The following MEMO1 variants were observed in gnomAD, a reference collection of about 807,000 sequenced individuals.
MEMO1 encodes the protein protein MEMO1.
MEMO1 carries 6 observed loss-of-function variants against 45.2 expected under a neutral mutation model. The observed-to-expected ratio is 0.13, with a 90% CI of 0.07 to 0.26. The LOEUF is 0.26. Among genes scored for constraint, MEMO1 ranks in the 10% least tolerant of loss-of-function variants. The probability of loss-of-function intolerance (pLI) is 1.00; values close to 1 mark genes in which losing one functional copy is unlikely to be tolerated. For missense variants in MEMO1, 184 were observed against 370.5 expected, an observed-to-expected ratio of 0.50 and a Z score of 4.13; for synonymous variants, 78 against 124.3, an observed-to-expected ratio of 0.63 and a Z score of 2.48.
intron 3 of MEMO1, among the ~76,000 whole-genome samples, chr2:31,941,010 CATAAT>C (rs1558520347): frequency 6.6e-6 from 1 of 152,208 alleles, no homozygotes; most frequent in Non-Finnish European, 1.5e-5. Context: ...CCTGTTCCCA[CATAAT>C]ATAATATCCA....
intron 2 of MEMO1, among the ~76,000 whole-genome samples, chr2:31,991,342 T>C: frequency 6.6e-6 from 1 of 151,978 alleles, no homozygotes; most frequent in Non-Finnish European, 1.5e-5. Context: ...GGAGCCGAGG[T>C]GGGAGGATCA....
At chr2:31,987,828 A>G (rs1671456445) in intron 2 of MEMO1, among the ~76,000 whole-genome samples, 1 of 152,186 alleles carries the variant, frequency 6.6e-6, no homozygotes, top group African/African-American at 2.4e-5. Flanking sequence ...TGGTAAAAAA[A>G]GCAGATAGGG....
chr2:31,885,642 G>A (rs572964164), intron 7 of MEMO1, among the ~76,000 whole-genome samples: 126 of 152,252 alleles, frequency 8.3e-4, no homozygotes, highest in African/African-American at 3.0e-3. Context: ...TATTCTTGGA[G>A]GAAATCAAGG....
At chr2:31,906,263 C>A (rs545954794) in intron 6 of MEMO1, among the ~76,000 whole-genome samples, 1 of 152,144 alleles carries the variant, frequency 6.6e-6, no homozygotes, top group African/African-American at 2.4e-5. Context: ...AGCCACCGCA[C>A]CCGGCCAAGG....
intron 2 of MEMO1, among the ~76,000 whole-genome samples, chr2:31,959,832 A>C (rs1352801944): frequency 6.6e-6 from 1 of 152,226 alleles, no homozygotes; most frequent in Non-Finnish European, 1.5e-5. Flanking sequence ...ATGTCACGGG[A>C]AAGTCAGTAT....
At chr2:31,951,260 G>C (rs1307061177) in intron 2 of MEMO1, among the ~76,000 whole-genome samples, 1 of 152,134 alleles carries the variant, frequency 6.6e-6, no homozygotes, top group Non-Finnish European at 1.5e-5. Context: ...TTTTCCAAAT[G>C]ATAATTTTAA....
chr2:31,909,039 C>T (rs1475548830), intron 6 of MEMO1, among the ~76,000 whole-genome samples: 1 of 152,188 alleles, frequency 6.6e-6, no homozygotes, highest in Non-Finnish European at 1.5e-5. Context: ...GGGAAAGTAA[C>T]TGAAAGAAAT....
At chr2:31,935,042 TC>T (rs1664750888) in intron 3 of MEMO1, among the ~76,000 whole-genome samples, 1 of 152,220 alleles carries the variant, frequency 6.6e-6, no homozygotes, top group South Asian at 2.1e-4. Flanking sequence ...TCAGGCATCT[TC>T]TATGTACTTC....
chr2:31,972,627 C>T (rs1389553191), intron 2 of MEMO1, among the ~76,000 whole-genome samples: 1 of 152,098 alleles, frequency 6.6e-6, no homozygotes, highest in African/African-American at 2.4e-5. Context: ...AGGAGAATTG[C>T]TTGAGCCCAG....
chr2:31,969,599 GTGTGT>G (rs1558542132), intron 2 of MEMO1, among the ~76,000 whole-genome samples: 22 of 144,786 alleles, frequency 1.5e-4, no homozygotes, highest in African/African-American at 5.1e-4. Flanking sequence ...GTGTGTGTGT[GTGTGT>G]GTGTGTGTGT....
intron 2 of MEMO1, among the ~76,000 whole-genome samples, chr2:31,986,165 C>T (rs920970628): frequency 1.3e-5 from 2 of 152,108 alleles, no homozygotes; most frequent in Non-Finnish European, 2.9e-5. Flanking sequence ...GAGGCCGAGG[C>T]AGGCAGATCA....
chr2:31,934,158 GCT>G (rs544680533), intron 3 of MEMO1, among the ~76,000 whole-genome samples: 304 of 152,208 alleles, frequency 2.0e-3, no homozygotes, highest in Middle Eastern at 0.017. Flanking sequence ...TAGAAATTTT[GCT>G]CTCAGTTGTC....
chr2:31,962,536 GAC>G (rs1436357534), intron 2 of MEMO1, among the ~76,000 whole-genome samples: 1 of 152,094 alleles, frequency 6.6e-6, no homozygotes, highest in Non-Finnish European at 1.5e-5. Context: ...ATATGACACT[GAC>G]AGAGTAAACA....
chr2:31,899,600 A>G (rs1171391444), intron 6 of MEMO1, among the ~76,000 whole-genome samples: 1 of 152,246 alleles, frequency 6.6e-6, no homozygotes, highest in Non-Finnish European at 1.5e-5. Flanking sequence ...AACCTAGGCT[A>G]TACCATTCAG....
At chr2:31,988,829 T>C (rs1671591923) in intron 2 of MEMO1, among the ~76,000 whole-genome samples, 1 of 152,230 alleles carries the variant, frequency 6.6e-6, no homozygotes, top group South Asian at 2.1e-4. Flanking sequence ...CAAGCTGAAC[T>C]GTGCTTTTTT....
At chr2:32,002,069 C>A (rs1214432801) in intron 2 of MEMO1, among the ~76,000 whole-genome samples, 1 of 145,380 alleles carries the variant, frequency 6.9e-6, no homozygotes, top group Non-Finnish European at 1.5e-5. Flanking sequence ...TCGCTTGAAC[C>A]AGGAGGCAGA....
chr2:31,942,518 T>C (rs1177227529), intron 3 of MEMO1, among the ~76,000 whole-genome samples: 1 of 152,138 alleles, frequency 6.6e-6, no homozygotes, highest in East Asian at 1.9e-4. Context: ...TCTTTTTTTT[T>C]CTTTTTTTGA....
At position 32,006,964 on chromosome 2, in the gene MEMO1, CAAAAAAAAAAAAAA is replaced by C. The variant is rs67557055; in HGVS notation, c.61+3209_61+3222del. ...TGGGCAACACAGCAAGATTCCATCT[CAAAAAAAAAAAAAA>C]AAAAAAAAAGAAGTGAGAATGAATC... On this transcript the variant is annotated intron_variant, in intron 2 of 9. Coordinates refer to ENST00000404530, the MANE Select transcript of MEMO1 (RefSeq NM_001301833.4). Among the ~76,000 whole-genome samples the C allele has an allele frequency of 5.3e-5, 4 of 75,970 alleles. No homozygotes were observed. The South Asian group carries it at 1.9e-3, about 35-fold the overall frequency. 49.8% of individuals were successfully genotyped at this position (75,970 alleles called of 152,430 possible).
intron 2 of MEMO1, among the ~76,000 whole-genome samples, chr2:32,001,975 G>A (rs983221166): frequency 4.0e-5 from 6 of 151,186 alleles, no homozygotes; most frequent in East Asian, 3.9e-4. Context: ...GTGAAACCCC[G>A]TCTCTACTAA....
Sources: gnomAD v4.1 joint callset for allele counts (sites outside exome capture counted in the v4.1 genomes callset) on GRCh38, gnomAD v4.1.1 for gene constraint, MANE v1.5 for transcripts, NCBI Gene and HGNC (gene_info 2026-07-23, HGNC 2026-07-21) for gene names.